Variants in ADGRB3 observed in about 807,000 individuals in gnomAD.
ADGRB3 encodes brain-specific angiogenesis inhibitor 3.
Under a neutral mutation model 193.4 loss-of-function variants are expected in ADGRB3, and 37 were observed. The ratio of observed to expected loss-of-function variants is 0.19; its 90% CI spans 0.15 to 0.25. The LOEUF (loss-of-function observed/expected upper bound fraction) is 0.25, where lower values mean the gene tolerates loss of function less well. Ranked by LOEUF, ADGRB3 falls within the 10% of genes least tolerant of loss-of-function variation. The pLI is 1.00. For missense variants in ADGRB3, 1,637 were observed against 1,852.9 expected, an observed-to-expected ratio of 0.88 and a Z score of 2.14; for synonymous variants, 690 against 644.2, an observed-to-expected ratio of 1.07 and a Z score of -1.08.
Position 68,635,689 on chromosome 6 carries a change from G to C in ADGRB3, c.-499G>C, listed in dbSNP as rs993850572. 3 of 152,156 alleles carry C rather than the reference G, an allele frequency of 2.0e-5. No individual in the cohort carries two copies. Among genetic ancestry groups the C allele is most frequent in the African/African-American group, 7.3e-5 (3 of 41,352 alleles). 9.4% of individuals were successfully genotyped at this position (152,156 alleles called of 1,614,324 possible). A position where few individuals can be genotyped will look rare whatever the true frequency, so the allele number is the denominator to read the frequency against. On this transcript the variant is annotated 5_prime_UTR_variant, in exon 1 of 32. Coordinates refer to ENST00000370598, the MANE Select transcript of ADGRB3 (RefSeq NM_001704.3). ...TGGGGGGTTCCTTAGAGTCTCCCTT[G>C]GGGGGGCTTCTCCCTCCCTTTAGCC...
intron 3 of ADGRB3, among the ~76,000 whole-genome samples, chr6:68,900,442 T>C (rs529828631): frequency 6.6e-6 from 1 of 152,210 alleles, no homozygotes; most frequent in South Asian, 2.1e-4. Flanking sequence ...GGGGAAAAGA[T>C]ATGTGGATAG....
intron 8 of ADGRB3, among the ~76,000 whole-genome samples, chr6:68,965,197 A>G (rs1402115776): frequency 6.6e-6 from 1 of 152,178 alleles, no homozygotes; most frequent in Admixed American, 6.5e-5. Flanking sequence ...ACCATTTCCT[A>G]TATGAGGAAT....
chr6:69,068,201 CTA>C (rs1771965981), intron 16 of ADGRB3, among the ~76,000 whole-genome samples: 1 of 152,124 alleles, frequency 6.6e-6, no homozygotes, highest in Non-Finnish European at 1.5e-5. Flanking sequence ...TCCCCAGAAT[CTA>C]TGACTGTGCT....
At chr6:68,910,604 A>G (rs1292345423) in intron 3 of ADGRB3, among the ~76,000 whole-genome samples, 4 of 152,246 alleles carry the variant, frequency 2.6e-5, no homozygotes, top group Non-Finnish European at 5.9e-5. Flanking sequence ...GAAGGGATCC[A>G]GTTTCAGCTT....
intron 20 of ADGRB3, among the ~76,000 whole-genome samples, chr6:69,300,965 T>C (rs961470281): frequency 6.6e-6 from 1 of 151,784 alleles, no homozygotes; most frequent in East Asian, 1.9e-4. Context: ...GAAGAGTTTA[T>C]TTATAATTGT....
At chr6:69,224,268 T>C (rs1333964871) in intron 17 of ADGRB3, among the ~76,000 whole-genome samples, 1 of 152,156 alleles carries the variant, frequency 6.6e-6, no homozygotes, top group African/African-American at 2.4e-5. Context: ...TTATAAATTT[T>C]ACAATGGTCC....
intron 13 of ADGRB3, among the ~76,000 whole-genome samples, chr6:69,034,659 G>C (rs1264001569): frequency 7.9e-6 from 1 of 127,028 alleles, no homozygotes; most frequent in Non-Finnish European, 1.9e-5. Flanking sequence ...GAGAGACAGA[G>C]AGAGAGACAG....
At chr6:68,817,358 T>C (rs1767657751) in intron 3 of ADGRB3, among the ~76,000 whole-genome samples, 1 of 105,706 alleles carries the variant, frequency 9.5e-6, no homozygotes. Flanking sequence ...TATATATATA[T>C]ATAATTTCTG....
intron 3 of ADGRB3, among the ~76,000 whole-genome samples, chr6:68,795,450 T>G (rs1767187801): frequency 6.6e-6 from 1 of 152,088 alleles, no homozygotes; most frequent in African/African-American, 2.4e-5. Flanking sequence ...TTCAGGAAGC[T>G]AAAGGTTACT....
intron 20 of ADGRB3, among the ~76,000 whole-genome samples, chr6:69,268,103 T>C (rs1048439859): frequency 2.6e-5 from 4 of 152,176 alleles, no homozygotes; most frequent in South Asian, 4.1e-4. Context: ...TTCTCGTCTA[T>C]AGAAAGATAA....
At chr6:69,008,045 T>C (rs1416149999) in intron 11 of ADGRB3, among the ~76,000 whole-genome samples, 1 of 152,108 alleles carries the variant, frequency 6.6e-6, no homozygotes, top group Admixed American at 6.6e-5. Context: ...GCTTCTTTTA[T>C]AAGGGCAGTA....
At chr6:68,742,908 A>G (rs1255185305) in intron 3 of ADGRB3, among the ~76,000 whole-genome samples, 2 of 151,918 alleles carry the variant, frequency 1.3e-5, no homozygotes, top group African/African-American at 2.4e-5. Flanking sequence ...CCTAAATTTT[A>G]TGTAATAAAG....
At chr6:69,187,436 A>C (rs1480495015) in intron 17 of ADGRB3, among the ~76,000 whole-genome samples, 1 of 152,172 alleles carries the variant, frequency 6.6e-6, no homozygotes, top group Non-Finnish European at 1.5e-5. Context: ...GGTATCTGGC[A>C]GTACTACTAG....
chr6:69,012,741 A>G (rs1378574706), intron 11 of ADGRB3, among the ~76,000 whole-genome samples: 1 of 152,074 alleles, frequency 6.6e-6, no homozygotes, highest in Admixed American at 6.6e-5. Context: ...TTAAATATAG[A>G]TACTAACAGC....
chr6:69,158,941 AG>A (rs1210107677), intron 17 of ADGRB3, among the ~76,000 whole-genome samples: 7 of 152,214 alleles, frequency 4.6e-5, no homozygotes, highest in Admixed American at 2.0e-4. Context: ...ATTTTATTAT[AG>A]CATTATTCAT....
At chr6:69,379,629 T>C (rs1302765946) in intron 30 of ADGRB3, among the ~76,000 whole-genome samples, 4 of 152,022 alleles carry the variant, frequency 2.6e-5, no homozygotes, top group Admixed American at 2.6e-4. Flanking sequence ...TTTTAAAGGC[T>C]GGACGATCTA....
At chr6:69,255,602 G>A (rs1766746158) in intron 20 of ADGRB3, among the ~76,000 whole-genome samples, 1 of 152,070 alleles carries the variant, frequency 6.6e-6, no homozygotes. Context: ...CTGGATATTA[G>A]CCCTTTTTCA....
chr6:69,096,872 A>C (rs1203392986), intron 17 of ADGRB3, among the ~76,000 whole-genome samples: 9 of 152,206 alleles, frequency 5.9e-5, no homozygotes, highest in Non-Finnish European at 1.3e-4. Flanking sequence ...TACACACTGC[A>C]TTTCAAGTGA....
intron 26 of ADGRB3, among the ~76,000 whole-genome samples, chr6:69,346,162 C>A (rs1165906108): frequency 6.6e-6 from 1 of 152,144 alleles, no homozygotes; most frequent in African/African-American, 2.4e-5. Flanking sequence ...TGAAAACTAC[C>A]CGAAGTAATT....
Sources: allele counts gnomAD v4.1 joint callset (sites outside exome capture counted in the v4.1 genomes callset), GRCh38; gene constraint gnomAD v4.1.1; transcripts MANE v1.5; gene names NCBI Gene and HGNC (gene_info 2026-07-23, HGNC 2026-07-21).